Variants in SIMC1 observed in about 807,000 individuals in gnomAD.
The protein encoded by SIMC1 is SUMO interacting motifs containing 1, also known as SUMO-interacting motif-containing protein 1.
In SIMC1, 55 loss-of-function variants were observed where a neutral mutation model predicts 82.3. The observed-to-expected ratio is 0.67, with a 90% confidence interval of 0.54 to 0.84. The LOEUF (loss-of-function observed/expected upper bound fraction) is 0.84, where lower values mean the gene tolerates loss of function less well. Ranked by LOEUF, SIMC1 falls within the 40% of genes least tolerant of loss-of-function variation. The pLI, the probability that SIMC1 is intolerant of heterozygous loss-of-function variation, is 0.00. For missense variants in SIMC1, 915 were observed against 1,107.2 expected (o/e 0.83, Z 2.46); for synonymous variants, 353 against 426.3 (o/e 0.83, Z 2.12).
chr5:176,329,496 T>TAAAAA (rs60571584), intron 7 of SIMC1, among the ~76,000 whole-genome samples: 1 of 126,562 alleles, frequency 7.9e-6, no homozygotes, highest in East Asian at 2.3e-4. Context: ...ACTCCCTCTT[T>TAAAAA]AAAAAAAAAA....
At chr5:176,316,713 G>A (rs998812864) in intron 5 of SIMC1, among the ~76,000 whole-genome samples, 1 of 150,666 alleles carries the variant, frequency 6.6e-6, no homozygotes, top group African/African-American at 2.4e-5. Context: ...GGCATTTTGG[G>A]CTGCACATGG....
intron 1 of SIMC1, among the ~76,000 whole-genome samples, chr5:176,274,722 A>G (rs1237168170): frequency 6.6e-6 from 1 of 151,780 alleles, no homozygotes; most frequent in African/African-American, 2.4e-5. Flanking sequence ...CTTTCTACAT[A>G]TGGCTAGCCA....
At chr5:176,321,664 T>G (rs1765163358) in intron 5 of SIMC1, among the ~76,000 whole-genome samples, 1 of 152,122 alleles carries the variant, frequency 6.6e-6, no homozygotes, top group Non-Finnish European at 1.5e-5. Flanking sequence ...GCCTCAGCCC[T>G]GTATAAAGTG....
chr5:176,319,155 G>T (rs1267803575), intron 5 of SIMC1, among the ~76,000 whole-genome samples: 2 of 152,082 alleles, frequency 1.3e-5, no homozygotes, highest in Non-Finnish European at 2.9e-5. Flanking sequence ...CTGATTCTTT[G>T]TATGTGCCCT....
chr5:176,308,446 C>T (rs1358483354), intron 4 of SIMC1: 8 of 1,607,948 alleles, frequency 5.0e-6, no homozygotes, highest in Non-Finnish European at 4.3e-6. Flanking sequence ...CCTCATATAA[C>T]TGTTTGGCCT....
At chr5:176,277,280 C>T (rs1762752727) in intron 1 of SIMC1, among the ~76,000 whole-genome samples, 2 of 151,762 alleles carry the variant, frequency 1.3e-5, no homozygotes, top group African/African-American at 2.4e-5. Flanking sequence ...CCTTCGCCCA[C>T]TTTTTGATGG....
chr5:176,281,576 TTGA>T (rs1276679101), intron 1 of SIMC1, among the ~76,000 whole-genome samples: 6 of 152,292 alleles, frequency 3.9e-5, no homozygotes, highest in Admixed American at 2.0e-4. Flanking sequence ...CTTTTGGTCT[TTGA>T]TGATGGTGAT....
chr5:176,272,669 G>A (rs1347693634), intron 1 of SIMC1, among the ~76,000 whole-genome samples: 1 of 152,170 alleles, frequency 6.6e-6, no homozygotes, highest in Non-Finnish European at 1.5e-5. Flanking sequence ...AAAGGGTCAG[G>A]GAATTCCCTT....
chr5:176,251,410 G>GGT (rs1477369860), intron 1 of SIMC1, among the ~76,000 whole-genome samples: 1 of 152,110 alleles, frequency 6.6e-6, no homozygotes, highest in Admixed American at 6.5e-5. Flanking sequence ...TGCAGTGGCT[G>GGT]GTACCGGTTT....
At chr5:176,247,308 T>C (rs1156858125) in intron 1 of SIMC1, among the ~76,000 whole-genome samples, 4 of 152,138 alleles carry the variant, frequency 2.6e-5, no homozygotes, top group Admixed American at 6.5e-5. Flanking sequence ...TTCTAACTGG[T>C]GTGAGATAGT....
chr5:176,328,139 T>G (rs1765472001), intron 7 of SIMC1, among the ~76,000 whole-genome samples: 1 of 152,164 alleles, frequency 6.6e-6, no homozygotes, highest in Non-Finnish European at 1.5e-5. Flanking sequence ...TGACCTCAGA[T>G]GATCTGCCCA....
intron 1 of SIMC1, among the ~76,000 whole-genome samples, chr5:176,243,374 C>G (rs1025049978): frequency 6.6e-6 from 1 of 152,128 alleles, no homozygotes; most frequent in Admixed American, 6.5e-5. Flanking sequence ...TGCAATGTAA[C>G]GACTGATGGA....
chr5:176,322,600 C>A, intron 6 of SIMC1, 175 bp downstream of exon 6: 2 of 781,804 alleles, frequency 2.6e-6, no homozygotes, highest in Non-Finnish European at 3.9e-6. Flanking sequence ...AAAGGCAGAA[C>A]AAAACCAGGT....
At chr5:176,257,854 T>C (rs1761898122) in intron 1 of SIMC1, among the ~76,000 whole-genome samples, 1 of 152,168 alleles carries the variant, frequency 6.6e-6, no homozygotes, top group Admixed American at 6.5e-5. Context: ...CTGTAGGATA[T>C]TTAATAGCAT....
At chr5:176,340,660 T>C (rs1463487469) in intron 9 of SIMC1, among the ~76,000 whole-genome samples, 2 of 152,230 alleles carry the variant, frequency 1.3e-5, no homozygotes, top group Non-Finnish European at 2.9e-5. Flanking sequence ...TGGGAAAACC[T>C]TAATGAATAA....
chr5:176,307,540 A>G (rs1008194473), intron 4 of SIMC1, among the ~76,000 whole-genome samples: 1 of 152,122 alleles, frequency 6.6e-6, no homozygotes, highest in Admixed American at 6.5e-5. Flanking sequence ...AGCTGGGACT[A>G]CAGGCGCCCG....
chr5:176,292,260 A>G (rs1484772323), intron 2 of SIMC1, among the ~76,000 whole-genome samples: 3 of 152,186 alleles, frequency 2.0e-5, no homozygotes. Flanking sequence ...ATTTATGAGA[A>G]GTAAACTAGA....
At chr5:176,281,934 C>T (rs1367955286) in intron 1 of SIMC1, among the ~76,000 whole-genome samples, 1 of 152,200 alleles carries the variant, frequency 6.6e-6, no homozygotes, top group Non-Finnish European at 1.5e-5. Flanking sequence ...CAGCTGCGTG[C>T]TGGGAGAACC....
intron 1 of SIMC1, among the ~76,000 whole-genome samples, chr5:176,288,275 G>T (rs1005498641): frequency 2.6e-5 from 4 of 152,076 alleles, no homozygotes; most frequent in Admixed American, 6.5e-5. Flanking sequence ...TGGTGTGGTG[G>T]TGTACATCTG....
Sources: gnomAD v4.1 joint callset for allele counts (sites outside exome capture counted in the v4.1 genomes callset) on GRCh38, gnomAD v4.1.1 for gene constraint, MANE v1.5 for transcripts, NCBI Gene and HGNC (gene_info 2026-07-23, HGNC 2026-07-21) for gene names.